CSPP1: variants seen among roughly 807,000 people sequenced by gnomAD.
CSPP1 encodes the protein centrosome and spindle pole associated protein 1, also known as centrosome and spindle pole-associated protein 1.
Under a neutral mutation model 164.4 loss-of-function variants are expected in CSPP1, and 126 were observed. The observed-to-expected ratio is 0.77, with a 90% CI of 0.66 to 0.89. The LOEUF (loss-of-function observed/expected upper bound fraction) is 0.89. Ranked by LOEUF, CSPP1 falls within the 40% of genes least tolerant of loss-of-function variation. The pLI is 0.00. For missense variants in CSPP1, 1,395 were observed against 1,449.8 expected (o/e 0.96, Z 0.61); for synonymous variants, 472 against 476.7 (o/e 0.99, Z 0.13).
At chr8:67,191,560 CT>C (rs2129575402) in intron 29 of CSPP1, among the ~76,000 whole-genome samples, 1 of 152,298 alleles carries the variant, frequency 6.6e-6, no homozygotes, top group Non-Finnish European at 1.5e-5. Context: ...CTGGATTTGT[CT>C]TTCTTTTGAA....
intron 24 of CSPP1, among the ~76,000 whole-genome samples, chr8:67,166,256 A>T (rs1321762560): frequency 6.6e-6 from 1 of 152,196 alleles, no homozygotes; most frequent in Admixed American, 6.5e-5. Context: ...GAAACCAGAT[A>T]AGCTGGGTCT....
chr8:67,161,927 T>G lies in CSPP1; in HGVS notation c.2643+12T>G. 6.7e-7 allele frequency: 1 copy of G among 1,493,870 alleles called. No homozygotes were observed. Among genetic ancestry groups the G allele is most frequent in the Middle Eastern group, 1.7e-4 (1 of 5,796 alleles). 92.5% of individuals were successfully genotyped at this position (1,493,870 alleles called of 1,614,324 possible). A position where few individuals can be genotyped will look rare whatever the true frequency, so the allele number is the denominator to read the frequency against. On this transcript the variant is annotated intron_variant, in intron 22 of 30. Transcript: ENST00000678616. The stretch of plus-strand genomic sequence containing the variant: ...GTTCCTTTATTCATGTATGTACTTT[T>G]GTTTTTATTTGTTCATCCTAGCTCA...
At chr8:67,106,835 C>T (rs1336780263) in intron 9 of CSPP1, among the ~76,000 whole-genome samples, 3 of 151,996 alleles carry the variant, frequency 2.0e-5, no homozygotes, top group Non-Finnish European at 2.9e-5. Flanking sequence ...AAATTAAATA[C>T]TGGTTTAGAG....
At chr8:67,069,662 CTT>C (rs1228205792) in intron 1 of CSPP1, among the ~76,000 whole-genome samples, 13 of 124,070 alleles carry the variant, frequency 1.0e-4, no homozygotes, top group Admixed American at 1.6e-4. Context: ...TCTTTTCTTT[CTT>C]TTTTTTTTTT....
chr8:67,158,719 A>G, intron 20 of CSPP1, 123 bp downstream of exon 20: 1 of 1,233,310 alleles, frequency 8.1e-7, no homozygotes, highest in East Asian at 2.6e-5. Context: ...ATATCAGATC[A>G]ATATACATTC....
In CSPP1 at chr8:67,111,890, A is replaced by G. The variant is rs1475028551; in HGVS notation, c.1094-82A>G. The stretch of plus-strand genomic sequence containing the variant: ...TTAGTAATTATATGATACAATTAAG[A>G]TGGAGTTTTTAAGGACTTAACTTTC... On this transcript the variant is annotated intron_variant, in intron 9 of 30. Coordinates refer to ENST00000678616, the MANE Select transcript of CSPP1 (RefSeq NM_001382391.1). 7 of 741,998 alleles carry G rather than the reference A, an allele frequency of 9.4e-6. No homozygotes were observed. The East Asian group carries it at 1.6e-4, about 17-fold the overall frequency. The allele number at this position is 741,998 out of a possible 1,614,324, so 46.0% of individuals were successfully genotyped here.
At chr8:67,074,454 G>A in intron 2 of CSPP1, 103 bp downstream of exon 2, 1 of 636,484 alleles carries the variant, frequency 1.6e-6, no homozygotes, top group Non-Finnish European at 2.6e-6. Context: ...AGAATCTTCT[G>A]TTTTGTAGTA....
chr8:67,190,583 T>A, intron 28 of CSPP1, 67 bp from the exon 29 acceptor site: 2 of 1,177,710 alleles, frequency 1.7e-6, no homozygotes, highest in Non-Finnish European at 2.5e-6. Context: ...TAAAAGGCTC[T>A]TGGTTTAGCT....
intron 24 of CSPP1, among the ~76,000 whole-genome samples, chr8:67,168,261 C>T (rs1005312650): frequency 1.8e-4 from 25 of 136,780 alleles, no homozygotes; most frequent in Admixed American, 6.4e-4. Flanking sequence ...AGTCCAGCTT[C>T]GGCTCGGCAT....
At chr8:67,104,952 A>ATATATG (rs1455033507) in intron 8 of CSPP1, among the ~76,000 whole-genome samples, 1 of 106,490 alleles carries the variant, frequency 9.4e-6, no homozygotes, top group African/African-American at 4.4e-5. Flanking sequence ...ACATGCACAT[A>ATATATG]TATATATATA....
rs1019958207 is a variant in CSPP1 at position 67,114,311 on chromosome 8, G to C, written c.1246-18G>C. On this transcript the variant is annotated intron_variant, in intron 11 of 30. Transcript: ENST00000678616. ...ATAATCTTATTTTTACTTTAATTTT[G>C]CAATTCTCATCATTAAGTGGAATGA... The C allele has an allele frequency of 6.6e-5, 10 of 152,548 alleles. No individual in the cohort carries two copies. The highest frequency in any genetic ancestry group is 2.4e-4 in the African/African-American group (10 of 41,358). 9.4% of individuals were successfully genotyped at this position (152,548 alleles called of 1,614,324 possible).
At chr8:67,194,513 C>A (rs1406983534) in intron 30 of CSPP1, among the ~76,000 whole-genome samples, 4 of 151,998 alleles carry the variant, frequency 2.6e-5, no homozygotes, top group Non-Finnish European at 5.9e-5. Flanking sequence ...TTAGACCCAA[C>A]AAACTGAATT....
intron 12 of CSPP1, chr8:67,115,113 T>G (rs1452107116): frequency 6.6e-6 from 1 of 152,256 alleles, no homozygotes; most frequent in African/African-American, 2.4e-5. Flanking sequence ...CTGCTCATTA[T>G]GAAGAGACTA....
intron 4 of CSPP1, among the ~76,000 whole-genome samples, chr8:67,090,860 TG>T (rs1811466917): frequency 6.6e-6 from 1 of 152,246 alleles, no homozygotes; most frequent in Admixed American, 6.5e-5. Context: ...AATTATTGAT[TG>T]ATTTTATCCT....
At chr8:67,189,578 AATT>A (rs1192487813) in intron 28 of CSPP1, among the ~76,000 whole-genome samples, 1 of 152,206 alleles carries the variant, frequency 6.6e-6, no homozygotes, top group Admixed American at 6.5e-5. Flanking sequence ...TCTGAATATC[AATT>A]ATATGTTAAA....
At chr8:67,074,106 T>G in intron 1 of CSPP1, 137 bp from the exon 2 acceptor site, 1 of 537,660 alleles carries the variant, frequency 1.9e-6, no homozygotes, top group Non-Finnish European at 3.4e-6. Context: ...GGCAGGCATA[T>G]TTATGATCAA....
At chr8:67,184,965 AAG>A (rs1454817946) in intron 28 of CSPP1, among the ~76,000 whole-genome samples, 2 of 146,546 alleles carry the variant, frequency 1.4e-5, no homozygotes, top group East Asian at 4.0e-4. Context: ...AAAAAAAAAA[AAG>A]GTGGTGGGCA....
intron 1 of CSPP1, among the ~76,000 whole-genome samples, chr8:67,067,853 CTTTTT>C (rs1238441914): frequency 4.4e-5 from 6 of 137,094 alleles, no homozygotes; most frequent in African/African-American, 8.0e-5. Context: ...CTGTTGATTT[CTTTTT>C]TTTTTTTTTT....
At chr8:67,109,079 T>C (rs998995925) in intron 9 of CSPP1, among the ~76,000 whole-genome samples, 1 of 152,224 alleles carries the variant, frequency 6.6e-6, no homozygotes, top group African/African-American at 2.4e-5. Flanking sequence ...AGTCTGGGCA[T>C]GGTTTACTGA....
Sources: allele counts gnomAD v4.1 joint callset (sites outside exome capture counted in the v4.1 genomes callset), GRCh38; gene constraint gnomAD v4.1.1; transcripts MANE v1.5; gene names NCBI Gene and HGNC (gene_info 2026-07-23, HGNC 2026-07-21).